KIAA1549L: variants seen among roughly 807,000 people sequenced by gnomAD.
KIAA1549L encodes KIAA1549 like, also known as UPF0606 protein KIAA1549L.
A neutral mutation model predicts 160.7 loss-of-function variants in KIAA1549L; 88 were observed. That is an observed-to-expected ratio of 0.55 (90% CI 0.46 to 0.65). KIAA1549L has a LOEUF of 0.65. KIAA1549L is among the 30% of genes least tolerant of loss of function. The pLI, the probability that KIAA1549L is intolerant of heterozygous loss-of-function variation, is 0.00. For synonymous variants in KIAA1549L, 950 were observed against 976.7 expected (o/e 0.97, Z 0.51); for missense variants, 2,258 against 2,437.5 (o/e 0.93, Z 1.55).
chr11:33,631,016 C>A (rs541647471), intron 16 of KIAA1549L, among the ~76,000 whole-genome samples: 79 of 152,310 alleles, frequency 5.2e-4, no homozygotes, highest in African/African-American at 1.9e-3. Context: ...CGTACTGTGG[C>A]AATGAACTTG....
chr11:33,530,440 T>TAC (rs1853739093), intron 1 of KIAA1549L, among the ~76,000 whole-genome samples: 1 of 4,270 alleles, frequency 2.3e-4, no homozygotes, highest in Non-Finnish European at 4.3e-4. Context: ...AAAAAAAATA[T>TAC]ATATATATAT....
intron 12 of KIAA1549L, among the ~76,000 whole-genome samples, chr11:33,596,993 G>A (rs1001468419): frequency 3.9e-5 from 6 of 152,124 alleles, no homozygotes; most frequent in Admixed American, 2.0e-4. Context: ...CAACAAGTTA[G>A]TACCGATCCT....
intron 16 of KIAA1549L, among the ~76,000 whole-genome samples, chr11:33,623,492 C>T (rs889589022): frequency 1.1e-4 from 17 of 152,132 alleles, no homozygotes; most frequent in African/African-American, 3.9e-4. Flanking sequence ...ACTTAATTTA[C>T]GGTACATTAT....
At chr11:33,487,234 G>A (rs1033608717) in intron 1 of KIAA1549L, among the ~76,000 whole-genome samples, 3 of 152,002 alleles carry the variant, frequency 2.0e-5, no homozygotes, top group Non-Finnish European at 4.4e-5. Context: ...TTTTCTCAGC[G>A]CTAGCTGTAG....
intron 1 of KIAA1549L, among the ~76,000 whole-genome samples, chr11:33,437,763 T>C (rs1851410109): frequency 6.6e-6 from 1 of 152,232 alleles, no homozygotes; most frequent in African/African-American, 2.4e-5. Context: ...TGTGCATTTA[T>C]AGTGACCTGA....
At chr11:33,659,576 G>A (rs1411951205) in intron 19 of KIAA1549L, among the ~76,000 whole-genome samples, 1 of 152,314 alleles carries the variant, frequency 6.6e-6, no homozygotes, top group Admixed American at 6.5e-5. Flanking sequence ...GACGTAATTG[G>A]TTTCTTAGTT....
In KIAA1549L at chr11:33,543,563, A is replaced by G. The variant is rs771289927; in HGVS notation, c.2000A>G (p.Lys667Arg). 2 of 1,613,904 alleles carry G rather than the reference A, an allele frequency of 1.2e-6. No individual in the cohort carries two copies. The highest frequency in any genetic ancestry group is 2.2e-5 in the East Asian group (1 of 44,896). ...TCTGGGTTGCCAGCTTCAGCTTCCA[A>G]ACAGGTGAGAGCATCGCCCTCCTCC... ...DHSGLPASASKQVRASPSSMD... is the reference protein window; with the variant it reads ...DHSGLPASASRQVRASPSSMD... The change falls in exon 2 of 21, where the codon AAA becomes AGA. Residue 667 changes from lysine to arginine, a missense_variant. Coordinates refer to ENST00000658780, the MANE Select transcript of KIAA1549L (RefSeq NM_012194.3).
intron 1 of KIAA1549L, among the ~76,000 whole-genome samples, chr11:33,434,897 C>G (rs1042531447): frequency 2.6e-5 from 4 of 152,168 alleles, no homozygotes; most frequent in African/African-American, 9.7e-5. Context: ...ATGCAAATGT[C>G]TCACCAATAA....
chr11:33,577,908 C>T (rs1855507370), intron 10 of KIAA1549L, among the ~76,000 whole-genome samples: 1 of 152,212 alleles, frequency 6.6e-6, no homozygotes, highest in Non-Finnish European at 1.5e-5. Context: ...GTGTCTCTTC[C>T]TCTCTAACAC....
At position 33,435,800 on chromosome 11, in the gene KIAA1549L, A is replaced by ATGTGTGTGTGTGTGTGTGTGTGTG. The variant is rs1309350867; in HGVS notation, c.238+58912_238+58913insGTGTGTGTGTGTGTGTGTGTGTGT. ...TATATATATATATATATATATATAT[A>ATGTGTGTGTGTGTGTGTGTGTGTG]TATATATATATGTGTGTGTATATAT... is the stretch of plus-strand genomic sequence containing the variant. On this transcript the variant is annotated intron_variant, in intron 1 of 20. Coordinates refer to ENST00000658780, the MANE Select transcript of KIAA1549L (RefSeq NM_012194.3). Among the ~76,000 whole-genome samples, 58 of 12,886 alleles carry ATGTGTGTGTGTGTGTGTGTGTGTG rather than the reference A, an allele frequency of 4.5e-3. 8 individuals are homozygous for ATGTGTGTGTGTGTGTGTGTGTGTG. Among genetic ancestry groups the ATGTGTGTGTGTGTGTGTGTGTGTG allele is most frequent in the African/African-American group, 0.017 (57 of 3,420 alleles). 8.5% of individuals were successfully genotyped at this position (12,886 alleles called of 152,430 possible). A position where few individuals can be genotyped will look rare whatever the true frequency, so the allele number is the denominator to read the frequency against.
chr11:33,431,468 C>T (rs534288633), intron 1 of KIAA1549L, among the ~76,000 whole-genome samples: 14 of 152,114 alleles, frequency 9.2e-5, no homozygotes, highest in South Asian at 4.2e-4. Flanking sequence ...TACAGCGTAT[C>T]GACACAAAGG....
intron 1 of KIAA1549L, among the ~76,000 whole-genome samples, chr11:33,481,222 G>C (rs182909218): frequency 1.3e-5 from 2 of 152,232 alleles, no homozygotes; most frequent in Admixed American, 1.3e-4. Flanking sequence ...ACTTTGAGTA[G>C]TAAAACTTTC....
intron 1 of KIAA1549L, chr11:33,403,297 A>ACG: frequency 8.8e-6 from 1 of 114,074 alleles, no homozygotes; most frequent in Non-Finnish European, 1.7e-5. Flanking sequence ...ACACACACAC[A>ACG]CACGCATACA....
At chr11:33,651,244 C>A (rs956187808) in intron 17 of KIAA1549L, among the ~76,000 whole-genome samples, 6 of 152,124 alleles carry the variant, frequency 3.9e-5, no homozygotes, top group African/African-American at 1.4e-4. Context: ...CAAGACCAGC[C>A]TGGCCAACAT....
Position 33,660,995 on chromosome 11 carries a change from C to T in KIAA1549L, c.6140C>T (p.Pro2047Leu), listed in dbSNP as rs373121363. The change falls in exon 20 of 21, where the codon CCG becomes CTG. Residue 2047 changes from proline (P) to leucine (L), a missense_variant. By Grantham distance (98) the Pro-to-Leu change is moderately conservative. Transcript: ENST00000658780. ...WMSYAGENEL[P>L]SQWADSVPLP... is the part of the protein sequence containing the mutation. ...TCCTATGCAGGAGAGAATGAGCTCC[C>T]GAGCCAGTGGGCAGATTCGGTGAGA... 82 of 1,607,496 alleles carry T rather than the reference C, an allele frequency of 5.1e-5. No individual in the cohort carries two copies. The South Asian group carries it at 6.7e-4, about 13-fold the overall frequency.
At chr11:33,640,316 AC>A (rs1851550505) in intron 16 of KIAA1549L, among the ~76,000 whole-genome samples, 1 of 152,210 alleles carries the variant, frequency 6.6e-6, no homozygotes, top group African/African-American at 2.4e-5. Context: ...GAAGGCAAAT[AC>A]ATCATACTCA....
At chr11:33,529,915 C>T (rs1387032032) in intron 1 of KIAA1549L, among the ~76,000 whole-genome samples, 1 of 152,030 alleles carries the variant, frequency 6.6e-6, no homozygotes, top group Non-Finnish European at 1.5e-5. Context: ...TACATTTAGG[C>T]CTTTACAAAA....
At chr11:33,557,344 T>A (rs2133210422) in intron 6 of KIAA1549L, among the ~76,000 whole-genome samples, 1 of 151,792 alleles carries the variant, frequency 6.6e-6, no homozygotes, top group Middle Eastern at 3.4e-3. Flanking sequence ...AGATAAAGAT[T>A]GAAAAGTTTT....
Position 33,531,201 on chromosome 11 carries a change from C to T in KIAA1549L, c.239-10601C>T, listed in dbSNP as rs138039438. On this transcript the variant is annotated intron_variant, in intron 1 of 20. Transcript: ENST00000658780. Reference sequence around the variant, plus strand: ...AATGGGGAGGCAGAGAGGCCAGTTGCGGTGGCTCACGCCTGTAATCCCAGC... The same window carrying T: ...AATGGGGAGGCAGAGAGGCCAGTTGTGGTGGCTCACGCCTGTAATCCCAGC... Among the ~76,000 whole-genome samples, 1,192 of 152,064 alleles carry T rather than the reference C, an allele frequency of 7.8e-3. 19 individuals carry two copies. The highest frequency in any genetic ancestry group is 0.027 in the African/African-American group (1,117 of 41,464).
Sources: gnomAD v4.1 joint callset for allele counts (sites outside exome capture counted in the v4.1 genomes callset) on GRCh38, gnomAD v4.1.1 for gene constraint, MANE v1.5 for transcripts, NCBI Gene and HGNC (gene_info 2026-07-23, HGNC 2026-07-21) for gene names.